The following RAD52 variants were observed in gnomAD, a reference collection of about 807,000 sequenced individuals.
RAD52 encodes DNA repair protein RAD52 homolog.
A neutral mutation model predicts 55.5 loss-of-function variants in RAD52; 47 were observed. The observed-to-expected ratio is 0.85, with a 90% confidence interval of 0.67 to 1.08. The LOEUF is 1.08. RAD52 is among the 50% of genes least tolerant of loss of function. The pLI is 0.00. For missense variants in RAD52, 468 were observed against 522.8 expected (o/e 0.90, Z 1.02); for synonymous variants, 184 against 198.9 (o/e 0.92, Z 0.63).
chr12:937,203 C>A (rs985301244), intron 1 of RAD52, among the ~76,000 whole-genome samples: 2 of 152,192 alleles, frequency 1.3e-5, no homozygotes, highest in African/African-American at 4.8e-5. Flanking sequence ...GAACAAGCAA[C>A]CAACTGTACT....
At chr12:941,664 C>G (rs972591607) in intron 1 of RAD52, among the ~76,000 whole-genome samples, 4 of 151,476 alleles carry the variant, frequency 2.6e-5, no homozygotes, top group African/African-American at 9.7e-5. Flanking sequence ...CAGAGTTTTG[C>G]TCTTGTTGCC....
chr12:939,121 G>A (rs1323672708), intron 1 of RAD52, among the ~76,000 whole-genome samples: 1 of 149,492 alleles, frequency 6.7e-6, no homozygotes. Flanking sequence ...TAAAGCAAAA[G>A]TACAAATTTA....
chr12:932,955 C>T lies in RAD52; in HGVS notation c.84+20G>A. On this transcript the variant is annotated intron_variant, in intron 2 of 11. Coordinates refer to ENST00000358495, the MANE Select transcript of RAD52 (RefSeq NM_134424.4). ...CTCACTTCACCTCATTCTTTCCCGG[C>T]ATGAAGGAACCACAGTTACCTGTCC... 1 of 1,612,992 alleles carries T rather than the reference C, an allele frequency of 6.2e-7. No individual in the cohort carries two copies. Among genetic ancestry groups the T allele is most frequent in the Non-Finnish European group, 8.5e-7 (1 of 1,179,292 alleles).
At chr12:964,471 G>A (rs549509248) in intron 1 of RAD52, among the ~76,000 whole-genome samples, 1 of 152,058 alleles carries the variant, frequency 6.6e-6, no homozygotes, top group Non-Finnish European at 1.5e-5. Flanking sequence ...AGGAGGCTGA[G>A]GTAGGAGAAT....
At chr12:929,739 G>T in intron 5 of RAD52, 80 bp downstream of exon 5, 2 of 1,375,396 alleles carry the variant, frequency 1.5e-6, no homozygotes, top group Non-Finnish European at 2.1e-6. Context: ...TCCCCGTCCA[G>T]CTACCTACTT....
At chr12:950,058 C>T (rs1220621254), upstream of RAD52, among the ~76,000 whole-genome samples, 1 of 152,180 alleles carries the variant, frequency 6.6e-6, no homozygotes, top group Non-Finnish European at 1.5e-5. Flanking sequence ...CATTAGGATG[C>T]GGGGCCCGCC....
chr12:918,211 A>G (rs1438178488), intron 7 of RAD52, among the ~76,000 whole-genome samples: 1 of 152,214 alleles, frequency 6.6e-6, no homozygotes, highest in Non-Finnish European at 1.5e-5. Flanking sequence ...AATGTCTACT[A>G]AGAAAAGACT....
intron 1 of RAD52, among the ~76,000 whole-genome samples, chr12:980,087 G>A (rs1191151608): frequency 6.6e-6 from 1 of 152,014 alleles, no homozygotes; most frequent in Non-Finnish European, 1.5e-5. Flanking sequence ...TACTCGGGAG[G>A]CTAAGGCCAG....
intron 1 of RAD52, among the ~76,000 whole-genome samples, chr12:969,279 A>G (rs1958809326): frequency 6.6e-6 from 1 of 152,052 alleles, no homozygotes; most frequent in African/African-American, 2.4e-5. Context: ...TTTGCATCCC[A>G]GGAACACCAG....
chr12:944,132 C>T lies in RAD52; in HGVS notation c.-19+5470G>A, dbSNP rs115097495. On this transcript the variant is annotated intron_variant, in intron 1 of 11. Coordinates refer to ENST00000358495, the MANE Select transcript of RAD52 (RefSeq NM_134424.4). ...TCAGGGGGCTGAGGTGGAAGGCTTGCTTCAGCCTGGAAGGTAGAGGCTGCA... is the reference window on the plus strand; with the variant it reads ...TCAGGGGGCTGAGGTGGAAGGCTTGTTTCAGCCTGGAAGGTAGAGGCTGCA... 2.3e-3 allele frequency among the ~76,000 whole-genome samples: 354 copies of T among 152,230 alleles called. 1 individual carries two copies. Among genetic ancestry groups the T allele is most frequent in the African/African-American group, 8.0e-3 (333 of 41,538 alleles).
chr12:937,215 G>C (rs1358039750), intron 1 of RAD52, among the ~76,000 whole-genome samples: 1 of 152,144 alleles, frequency 6.6e-6, no homozygotes, highest in African/African-American at 2.4e-5. Flanking sequence ...AACTGTACTT[G>C]CACCAAGGGC....
chr12:960,707 G>GC lies in RAD52; in HGVS notation c.-18-27632dup, dbSNP rs199894733. Among the ~76,000 whole-genome samples the GC allele has an allele frequency of 3.3e-3, 496 of 152,174 alleles. 4 individuals are homozygous for GC. The highest frequency in any genetic ancestry group is 0.011 in the African/African-American group (463 of 41,532). ...TCTTGAACTCTTGACCTCAAGCGATGCCCCCCTTCTTAGCCTCCCAAAGTG... is the reference window on the plus strand; with the variant it reads ...TCTTGAACTCTTGACCTCAAGCGATGCCCCCCCTTCTTAGCCTCCCAAAGTG... On this transcript the variant is annotated intron_variant, in intron 1 of 11. Transcript: ENST00000430095.
intron 1 of RAD52, among the ~76,000 whole-genome samples, chr12:941,857 G>A (rs1352501782): frequency 6.6e-6 from 1 of 151,770 alleles, no homozygotes; most frequent in East Asian, 1.9e-4. Context: ...GGCTGGTCTC[G>A]AACTCCTGAC....
At chr12:978,862 C>T (rs1030402033) in intron 1 of RAD52, among the ~76,000 whole-genome samples, 2 of 149,240 alleles carry the variant, frequency 1.3e-5, no homozygotes, top group African/African-American at 2.5e-5. Flanking sequence ...ACAGAGACTC[C>T]GTCTCTTAAA....
At chr12:984,391 T>G (rs1469768785) in intron 1 of RAD52, among the ~76,000 whole-genome samples, 2 of 152,102 alleles carry the variant, frequency 1.3e-5, no homozygotes, top group Non-Finnish European at 2.9e-5. Flanking sequence ...AGAGATGGGA[T>G]TTCGCCATAT....
intron 1 of RAD52, among the ~76,000 whole-genome samples, chr12:987,442 TA>T (rs1160579974): frequency 2.0e-5 from 3 of 152,146 alleles, no homozygotes; most frequent in Non-Finnish European, 4.4e-5. Context: ...ATTTTTTCAA[TA>T]ATTTTCTGTC....
At position 913,261 on chromosome 12, in the gene RAD52, A is replaced by G. The variant is rs1006160577; in HGVS notation, c.*130T>C. 1.8e-5 allele frequency: 14 copies of G among 758,748 alleles called. No individual in the cohort carries two copies. The African/African-American group carries it at 2.5e-4, about 13-fold the overall frequency. 47.0% of individuals were successfully genotyped at this position (758,748 alleles called of 1,614,324 possible). On this transcript the variant is annotated 3_prime_UTR_variant, in exon 12 of 12. Coordinates refer to ENST00000358495, the MANE Select transcript of RAD52 (RefSeq NM_134424.4). Reference sequence around the variant, plus strand: ...GGCTCTCAGTCAGATCCTCTTGATAAGGTTCAGAATGAAGCAAGATAAATC... The same window carrying G: ...GGCTCTCAGTCAGATCCTCTTGATAGGGTTCAGAATGAAGCAAGATAAATC...
At position 985,799 on chromosome 12, in the gene RAD52, C is replaced by T. The variant is rs187414464; in HGVS notation, c.-19+4010G>A. On this transcript the variant is annotated intron_variant, in intron 1 of 11. Coordinates refer to the RAD52 transcript ENST00000430095. Reference sequence around the variant, plus strand: ...TTGGGATTACAGGCGCCCACCACCACGCCCAACTAATTTTTGTAATTTTTG... The same window carrying T: ...TTGGGATTACAGGCGCCCACCACCATGCCCAACTAATTTTTGTAATTTTTG... 4.6e-3 allele frequency among the ~76,000 whole-genome samples: 697 copies of T among 151,112 alleles called. 4 individuals are homozygous for T. Among genetic ancestry groups the T allele is most frequent in the South Asian group, 0.011 (50 of 4,754 alleles).
intron 1 of RAD52, among the ~76,000 whole-genome samples, chr12:961,502 T>A (rs1958685554): frequency 6.6e-6 from 1 of 151,768 alleles, no homozygotes. Context: ...AATGAAGCAT[T>A]AGGGTGGGCC....
Sources: allele counts gnomAD v4.1 joint callset (sites outside exome capture counted in the v4.1 genomes callset), GRCh38; gene constraint gnomAD v4.1.1; transcripts MANE v1.5; gene names NCBI Gene and HGNC (gene_info 2026-07-23, HGNC 2026-07-21).